Variants in LIMA1 observed in about 807,000 individuals in gnomAD.
LIMA1 encodes the protein LIM domain and actin binding 1.
A neutral mutation model predicts 62.6 loss-of-function variants in LIMA1; 52 were observed. The ratio of observed to expected loss-of-function variants is 0.83; its 90% confidence interval spans 0.67 to 1.05. The LOEUF (loss-of-function observed/expected upper bound fraction) is 1.05. Among genes scored for constraint, LIMA1 ranks in the 50% least tolerant of loss-of-function variants. LIMA1 has a pLI of 0.00. For synonymous variants in LIMA1, 302 were observed against 317.8 expected (o/e 0.95, Z 0.53); for missense variants, 780 against 902.2 (o/e 0.86, Z 1.74).
intron 2 of LIMA1, among the ~76,000 whole-genome samples, chr12:50,239,059 A>C (rs1438920886): frequency 6.6e-6 from 1 of 152,216 alleles, no homozygotes; most frequent in Non-Finnish European, 1.5e-5. Context: ...AGAAATACTT[A>C]TTGCTGTCTA....
intron 2 of LIMA1, among the ~76,000 whole-genome samples, chr12:50,238,501 T>C (rs1941728370): frequency 6.6e-6 from 1 of 151,464 alleles, no homozygotes; most frequent in South Asian, 2.1e-4. Context: ...AGCAAGACTC[T>C]GTCTCAAAAA....
At chr12:50,259,189 C>T (rs181623310) in intron 1 of LIMA1, among the ~76,000 whole-genome samples, 107 of 152,224 alleles carry the variant, frequency 7.0e-4, no homozygotes, top group African/African-American at 2.5e-3. Flanking sequence ...AATGTTATCC[C>T]GTACTCAACC....
At chr12:50,257,640 C>T (rs1019327729) in intron 1 of LIMA1, among the ~76,000 whole-genome samples, 5 of 152,208 alleles carry the variant, frequency 3.3e-5, no homozygotes, top group African/African-American at 9.7e-5. Context: ...CAGTGGGCTG[C>T]CTTTGCTCAC....
chr12:50,193,801 AC>A (rs1335088630), intron 8 of LIMA1, among the ~76,000 whole-genome samples: 1 of 142,646 alleles, frequency 7.0e-6, no homozygotes, highest in Non-Finnish European at 1.5e-5. Flanking sequence ...AGTAGCTGGG[AC>A]CACAGATGCA....
intron 4 of LIMA1, among the ~76,000 whole-genome samples, chr12:50,216,641 AC>A (rs1293385696): frequency 6.6e-6 from 1 of 151,754 alleles, no homozygotes; most frequent in African/African-American, 2.4e-5. Context: ...TGGGCAGATC[AC>A]CTGAGGTCAG....
intron 4 of LIMA1, among the ~76,000 whole-genome samples, chr12:50,209,567 C>CAAA (rs1203309856): frequency 4.7e-4 from 29 of 61,582 alleles, no homozygotes; most frequent in African/African-American, 1.1e-3. Context: ...GACTCCATCT[C>CAAA]AAAAAAAAAA....
At chr12:50,232,569 A>G (rs565198247) in intron 2 of LIMA1, among the ~76,000 whole-genome samples, 2 of 151,810 alleles carry the variant, frequency 1.3e-5, no homozygotes, top group South Asian at 4.2e-4. Context: ...GGGTTTCACC[A>G]TGTTGACCAG....
At chr12:50,201,116 T>C in intron 6 of LIMA1, 1 of 1,286,170 alleles carries the variant, frequency 7.8e-7, no homozygotes, top group South Asian at 1.7e-5. Context: ...TAAAACTGGA[T>C]TGCTCATTAG....
intron 4 of LIMA1, among the ~76,000 whole-genome samples, chr12:50,219,132 A>AGACT (rs1456372169): frequency 6.6e-6 from 1 of 152,172 alleles, no homozygotes; most frequent in Non-Finnish European, 1.5e-5. Context: ...ATTGGCTGTG[A>AGACT]GACTATACAG....
intron 2 of LIMA1, among the ~76,000 whole-genome samples, chr12:50,242,349 T>A (rs539085692): frequency 4.5e-4 from 69 of 151,982 alleles, no homozygotes; most frequent in African/African-American, 1.6e-3. Flanking sequence ...AAACTAAATA[T>A]GAACGCTCTT....
chr12:50,221,718 G>A (rs986822446), intron 4 of LIMA1, among the ~76,000 whole-genome samples: 8 of 152,128 alleles, frequency 5.3e-5, no homozygotes, highest in Admixed American at 1.3e-4. Context: ...AAAGAACACA[G>A]GAAGACAATT....
chr12:50,234,041 TG>T, intron 2 of LIMA1: 2 of 435,300 alleles, frequency 4.6e-6, no homozygotes, highest in Non-Finnish European at 9.2e-6. Context: ...AATAATTATT[TG>T]TTATTACTTT....
intron 10 of LIMA1, among the ~76,000 whole-genome samples, chr12:50,178,530 TAAA>T (rs77510496): frequency 1.6e-5 from 2 of 124,808 alleles, no homozygotes; most frequent in Non-Finnish European, 1.7e-5. Flanking sequence ...GAGACTGTCT[TAAA>T]AAAAAAAAAA....
intron 1 of LIMA1, among the ~76,000 whole-genome samples, chr12:50,258,389 T>C (rs894154024): frequency 1.3e-5 from 2 of 151,978 alleles, no homozygotes; most frequent in African/African-American, 2.4e-5. Flanking sequence ...GCCTACCTCC[T>C]GAGCACAAAT....
At chr12:50,206,128 T>TGAACCTTGCG in intron 4 of LIMA1, 60 bp from the exon 5 acceptor site, 6 of 1,304,810 alleles carry the variant, frequency 4.6e-6, no homozygotes, top group Non-Finnish European at 6.6e-6. Context: ...TGACGCAAGG[T>TGAACCTTGCG]TCAACTTGCA....
chr12:50,210,806 T>C (rs1308334203), intron 4 of LIMA1, among the ~76,000 whole-genome samples: 2 of 152,188 alleles, frequency 1.3e-5, no homozygotes. Context: ...ATCAAAACTC[T>C]GCATTAATTT....
chr12:50,183,576 G>A (rs1940555142), intron 9 of LIMA1, among the ~76,000 whole-genome samples: 1 of 152,070 alleles, frequency 6.6e-6, no homozygotes. Context: ...ACTTTGGGAG[G>A]TTGAGGTAGG....
Position 50,222,223 on chromosome 12 carries a change from G to A in LIMA1, c.428C>T (p.Pro143Leu), listed in dbSNP as rs753886119. ...AAGATCCTCACCGTCCTTGATGTGG[G>A]GATATCGACCCTGAACGAGGGCTTC... Reference protein sequence around the residue: ...PPEALVQGRYPHIKDGEDLKD... With the variant: ...PPEALVQGRYLHIKDGEDLKD... Residue 143 changes from proline to leucine, a missense_variant, in exon 4 of 11, where the codon CCC becomes CTC. Pro to Leu is a moderately conservative substitution (Grantham distance 98). Coordinates refer to ENST00000341247, the MANE Select transcript of LIMA1 (RefSeq NM_016357.5). 1 of 1,613,994 alleles carries A rather than the reference G, an allele frequency of 6.2e-7. No individual in the cohort carries two copies. The highest frequency in any genetic ancestry group is 1.3e-5 in the African/African-American group (1 of 74,870).
At chr12:50,269,922 T>TA (rs1172694068) in intron 1 of LIMA1, among the ~76,000 whole-genome samples, 2,032 of 94,498 alleles carry the variant, frequency 0.022, 51 homozygotes, top group African/African-American at 0.061. Flanking sequence ...CTCCGTCAAA[T>TA]AAAAAAAAAA....
Sources: allele counts gnomAD v4.1 joint callset (sites outside exome capture counted in the v4.1 genomes callset), GRCh38; gene constraint gnomAD v4.1.1; transcripts MANE v1.5; gene names NCBI Gene and HGNC (gene_info 2026-07-23, HGNC 2026-07-21).